Variants in ZNF507 observed in about 807,000 individuals in gnomAD.
The protein encoded by ZNF507 is zinc finger protein 507.
Under a neutral mutation model 80.0 loss-of-function variants are expected in ZNF507, and 29 were observed. That is an observed-to-expected ratio of 0.36 (90% CI 0.27 to 0.49). The LOEUF is 0.49. Ranked by LOEUF, ZNF507 falls within the 20% of genes least tolerant of loss-of-function variation. ZNF507 has a pLI of 0.98. For synonymous variants in ZNF507, 462 were observed against 422.5 expected, an observed-to-expected ratio of 1.09 and a Z score of -1.15; for missense variants, 1,081 against 1,152.2, an observed-to-expected ratio of 0.94 and a Z score of 0.90.
intron 2 of ZNF507, among the ~76,000 whole-genome samples, chr19:32,350,264 G>A (rs1456614985): frequency 1.3e-5 from 2 of 151,236 alleles, no homozygotes; most frequent in African/African-American, 4.9e-5. Context: ...GATTTTGCAT[G>A]GGGACCCAAA....
At chr19:32,346,921 T>C (rs1363478809) in intron 1 of ZNF507, among the ~76,000 whole-genome samples, 1 of 152,242 alleles carries the variant, frequency 6.6e-6, no homozygotes, top group African/African-American at 2.4e-5. Context: ...GTGCAATTTA[T>C]TGTTCCATTC....
At chr19:32,356,110 TC>T (rs2145319876) in intron 3 of ZNF507, among the ~76,000 whole-genome samples, 1 of 152,336 alleles carries the variant, frequency 6.6e-6, no homozygotes, top group East Asian at 1.9e-4. Context: ...AAAGACAAGT[TC>T]CTGAAGTCTC....
rs915484133 is a variant in ZNF507, at chr19:32,384,341, C to T, written c.*1258C>T. ...AATAGATGTAATCTTATTAATTACA[C>T]ATTTTGTATTTTAATTATTTCAAGG... On this transcript the variant is annotated 3_prime_UTR_variant, in exon 7 of 7. Transcript: ENST00000355898. 6.6e-6 allele frequency: 1 copy of T among 152,156 alleles called. No individual in the cohort carries two copies. The highest frequency in any genetic ancestry group is 1.5e-5 in the Non-Finnish European group (1 of 68,032). 9.4% of individuals were successfully genotyped at this position (152,156 alleles called of 1,614,324 possible).
chr19:32,370,389 C>A (rs894797180), intron 5 of ZNF507, among the ~76,000 whole-genome samples: 2 of 152,214 alleles, frequency 1.3e-5, no homozygotes, highest in East Asian at 3.8e-4. Flanking sequence ...TTCCCTACAC[C>A]TTTGCCAACA....
intron 3 of ZNF507, among the ~76,000 whole-genome samples, chr19:32,355,682 A>T (rs1327768823): frequency 6.6e-6 from 1 of 152,082 alleles, no homozygotes; most frequent in Admixed American, 6.5e-5. Context: ...ATGTTATCCT[A>T]AGGGCTAACT....
In ZNF507 at chr19:32,354,881, T is replaced by G. The variant is rs770941825; in HGVS notation, c.2051T>G (p.Leu684Trp). ...CEHIADNSKDLESHMIHHCKT... is the reference protein window; with the variant it reads ...CEHIADNSKDWESHMIHHCKT... ...CACATAGCGGACAACAGCAAAGATT[T>G]GGAGAGTCACATGATCCACCACTGT... Residue 684 changes from leucine (L) to tryptophan (W), a missense_variant, in exon 3 of 7, where the codon TTG (leucine) becomes TGG (tryptophan). Physicochemically the swap from Leu to Trp is moderately conservative, Grantham distance 61. Coordinates refer to ENST00000355898, the MANE Select transcript of ZNF507 (RefSeq NM_001136156.2). 2 of 1,614,030 alleles carry G rather than the reference T, an allele frequency of 1.2e-6. No homozygotes were observed. The highest frequency in any genetic ancestry group is 1.3e-5 in the African/African-American group (1 of 74,906).
At chr19:32,374,169 AACAC>A (rs56820529) in intron 5 of ZNF507, among the ~76,000 whole-genome samples, 1 of 149,786 alleles carries the variant, frequency 6.7e-6, no homozygotes, top group Non-Finnish European at 1.5e-5. Context: ...CAAAGCAAGG[AACAC>A]ACACACACAC....
chr19:32,361,014 G>A lies in ZNF507; in HGVS notation c.2360+396G>A, dbSNP rs148608953. Among the ~76,000 whole-genome samples, 228 of 152,234 alleles carry A rather than the reference G, an allele frequency of 1.5e-3. 1 individual carries two copies. The highest frequency in any genetic ancestry group is 4.4e-3 in the African/African-American group (182 of 41,548). On this transcript the variant is annotated intron_variant, in intron 5 of 6. Transcript: ENST00000355898. The stretch of plus-strand genomic sequence containing the variant: ...AGGACAGTAGGCATTTTGTCTAGTT[G>A]ATACATAGGAAATTGTCTTTATCTG...
chr19:32,362,218 C>A (rs1014691411), intron 5 of ZNF507, among the ~76,000 whole-genome samples: 7 of 152,184 alleles, frequency 4.6e-5, no homozygotes, highest in African/African-American at 1.7e-4. Flanking sequence ...AGTATATTTA[C>A]ATTCGTGATT....
rs1450701028 is a variant in ZNF507, at chr19:32,382,530, T to C, written c.2424T>C (p.His808=). The change falls in exon 6 of 7, where the codon CAT becomes CAC. Residue 808 remains histidine (H), a synonymous_variant. Transcript: ENST00000355898. The stretch of plus-strand genomic sequence containing the variant: ...CTTTGAAGTCTCATATGTGGAAACA[T>C]GCAAGTGACCAAAATTACAACTACG... ...PPSLKSHMWK[H]ASDQNYNYEQ... 2.5e-6 allele frequency: 4 copies of C among 1,614,196 alleles called. No individual in the cohort carries two copies. Among genetic ancestry groups the C allele is most frequent in the Non-Finnish European group, 3.4e-6 (4 of 1,180,014 alleles).
intron 5 of ZNF507, among the ~76,000 whole-genome samples, chr19:32,371,643 AT>A (rs111611184): frequency 0.014 from 1,276 of 92,624 alleles, 16 homozygotes; most frequent in East Asian, 0.043. Flanking sequence ...TATTATTATT[AT>A]TTTTTTTTTT....
intron 5 of ZNF507, among the ~76,000 whole-genome samples, chr19:32,379,036 G>A (rs1967590364): frequency 6.6e-6 from 1 of 152,208 alleles, no homozygotes. Context: ...AATGAGCTGG[G>A]TGCCCAGCCA....
At chr19:32,371,649 T>A (rs935080867) in intron 5 of ZNF507, among the ~76,000 whole-genome samples, 15 of 147,030 alleles carry the variant, frequency 1.0e-4, no homozygotes, top group African/African-American at 3.7e-4. Context: ...TATTATTTTT[T>A]TTTTTTTTGA....
At chr19:32,358,359 AT>A (rs996508872) in intron 4 of ZNF507, 4 of 152,252 alleles carry the variant, frequency 2.6e-5, no homozygotes, top group Non-Finnish European at 5.9e-5. Context: ...AAGAAGAGAG[AT>A]TTGTGCCTCT....
intron 5 of ZNF507, among the ~76,000 whole-genome samples, chr19:32,365,744 T>G (rs1967389937): frequency 6.6e-6 from 1 of 152,190 alleles, no homozygotes; most frequent in Non-Finnish European, 1.5e-5. Context: ...GAACCCATTT[T>G]CCCTTAGAAA....
chr19:32,368,474 T>C (rs1412930186), intron 5 of ZNF507, among the ~76,000 whole-genome samples: 1 of 152,180 alleles, frequency 6.6e-6, no homozygotes, highest in East Asian at 1.9e-4. Context: ...AGGCAAAAGC[T>C]CTGTTGCCTT....
intron 5 of ZNF507, among the ~76,000 whole-genome samples, chr19:32,361,317 A>G (rs1166269483): frequency 6.6e-6 from 1 of 152,182 alleles, no homozygotes; most frequent in Non-Finnish European, 1.5e-5. Flanking sequence ...GTGCTAGGCA[A>G]TGCGCATGAA....
chr19:32,353,697 C>T lies in ZNF507; in HGVS notation c.867C>T (p.Gly289=), dbSNP rs138837262. The T allele has an allele frequency of 5.6e-6, 9 of 1,614,184 alleles. No homozygotes were observed. Among genetic ancestry groups the T allele is most frequent in the Middle Eastern group, 1.6e-4 (1 of 6,062 alleles). The change falls in exon 3 of 7, where the codon GGC becomes GGT. Residue 289 remains glycine (G), a synonymous_variant. Transcript: ENST00000355898. The part of the protein sequence containing the change: ...PIFENENEPL[G]LLDSSAAAAP... ...TTGAAAATGAAAATGAACCCCTAGG[C>T]CTGCTGGATTCTTCAGCAGCTGCTG... is the stretch of plus-strand genomic sequence containing the variant.
At chr19:32,359,220 T>C (rs575477332) in intron 4 of ZNF507, 1 of 152,350 alleles carries the variant, frequency 6.6e-6, no homozygotes, top group African/African-American at 2.4e-5. Context: ...TTAGTGTGTA[T>C]ATTAACGTTA....
Sources: allele counts gnomAD v4.1 joint callset (sites outside exome capture counted in the v4.1 genomes callset), GRCh38; gene constraint gnomAD v4.1.1; transcripts MANE v1.5; gene names NCBI Gene and HGNC (gene_info 2026-07-23, HGNC 2026-07-21).